The following PRAC2 variants were observed in gnomAD, a reference collection of about 807,000 sequenced individuals.
PRAC2 encodes the protein PRAC2 small nuclear protein.
For synonymous variants in PRAC2, 43 were observed against 49.5 expected (o/e 0.87, Z 0.55); for missense variants, 92 against 114.5 (o/e 0.80, Z 0.90).
upstream of PRAC2, among the ~76,000 whole-genome samples, chr17:48,721,372 C>A (rs1343566567): frequency 6.6e-6 from 1 of 152,176 alleles, no homozygotes; most frequent in Admixed American, 6.5e-5. Flanking sequence ...GTCACATAGG[C>A]TGGAGTGCAA....
upstream of PRAC2, chr17:48,722,513 G>A: frequency 1.2e-6 from 1 of 809,804 alleles, no homozygotes; most frequent in Non-Finnish European, 2.1e-6. Flanking sequence ...GGCTAGGAGA[G>A]GAAGGACGGG....
At chr17:48,721,761 G>T (rs374296956), upstream of PRAC2, 3 of 1,461,210 alleles carry the variant, frequency 2.1e-6, no homozygotes, top group Non-Finnish European at 2.7e-6. Flanking sequence ...TAGAGACAGC[G>T]TCTTGCTACA....
chr17:48,724,524 G>A lies in PRAC2; in HGVS notation c.114G>A (p.Gly38=). Residue 38 remains glycine (G), a synonymous_variant, in exon 2 of 2, where the codon GGG becomes GGA. Coordinates refer to ENST00000422730, the MANE Select transcript of PRAC2 (RefSeq NM_001282275.2). The part of the protein sequence containing the change: ...NLLAFFLGLS[G]AGPIHLPMPW... Reference sequence around the variant, plus strand: ...TTGCCTTCTTCCTGGGTCTCTCGGGGGCTGGACCAATACATCTGCCGATGC... The same window carrying A: ...TTGCCTTCTTCCTGGGTCTCTCGGGAGCTGGACCAATACATCTGCCGATGC... 8.1e-7 allele frequency: 1 copy of A among 1,233,316 alleles called. No individual in the cohort carries two copies. The highest frequency in any genetic ancestry group is 1.5e-5 in the African/African-American group (1 of 64,556). 76.4% of individuals were successfully genotyped at this position (1,233,316 alleles called of 1,614,324 possible).
At chr17:48,723,727 T>C in intron 1 of PRAC2, 1 of 1,231,790 alleles carries the variant, frequency 8.1e-7, no homozygotes, top group Non-Finnish European at 1.0e-6. Flanking sequence ...GTTCGCGCTC[T>C]GCGTTGCGGG....
upstream of PRAC2, among the ~76,000 whole-genome samples, chr17:48,721,043 A>T (rs2038140357): frequency 1.3e-5 from 2 of 152,158 alleles, no homozygotes; most frequent in African/African-American, 4.8e-5. Context: ...GGGAGGGGGA[A>T]CTGGCAGGGA....
chr17:48,721,612 A>G (rs1051575012), upstream of PRAC2: 1 of 470,210 alleles, frequency 2.1e-6, no homozygotes, highest in African/African-American at 2.0e-5. Context: ...GCCATGAGCC[A>G]CTATGCCTGG....
upstream of PRAC2, among the ~76,000 whole-genome samples, chr17:48,719,044 C>T (rs1446645102): frequency 6.6e-6 from 1 of 152,178 alleles, no homozygotes; most frequent in Non-Finnish European, 1.5e-5. Context: ...GCTCGAAGCG[C>T]CCCACGCCAG....
At chr17:48,723,339 C>T in intron 1 of PRAC2, 26 bp downstream of exon 1, 1 of 217,910 alleles carries the variant, frequency 4.6e-6, no homozygotes, top group South Asian at 1.8e-4. Context: ...ATTTAATTCG[C>T]GGTTGCAGCT....
upstream of PRAC2, among the ~76,000 whole-genome samples, chr17:48,720,049 G>A (rs1424571713): frequency 6.6e-6 from 1 of 152,158 alleles, no homozygotes; most frequent in East Asian, 1.9e-4. Context: ...GGTCTCGGGC[G>A]GGGGCGACGG....
chr17:48,722,097 T>C (rs2038151045), upstream of PRAC2, among the ~76,000 whole-genome samples: 1 of 152,118 alleles, frequency 6.6e-6, no homozygotes, highest in African/African-American at 2.4e-5. Context: ...AACATTTTCT[T>C]TGTCCCTTTC....
rs895988170 is a variant in PRAC2, at chr17:48,724,653, A to G, written c.243A>G (p.Lys81=). The G allele has an allele frequency of 5.9e-5, 73 of 1,232,088 alleles. No individual in the cohort carries two copies. The highest frequency in any genetic ancestry group is 7.1e-5 in the Non-Finnish European group (70 of 988,006). 76.3% of individuals were successfully genotyped at this position (1,232,088 alleles called of 1,614,324 possible). ...AGCCTGTAGCTCCGCGGACGATGAA[A>G]GCCTGCCCGCAGGTTCTCCTGGAGT... ...RWKPVAPRTM[K]ACPQVLLEW Residue 81 remains lysine (K), a synonymous_variant, in exon 2 of 2, where the codon AAA becomes AAG. Transcript: ENST00000422730.
At chr17:48,718,722 C>T (rs1251234315), upstream of PRAC2, among the ~76,000 whole-genome samples, 4 of 152,148 alleles carry the variant, frequency 2.6e-5, no homozygotes, top group Non-Finnish European at 1.5e-5. Context: ...GAAGGGTTGG[C>T]TGGATTCTTT....
upstream of PRAC2, among the ~76,000 whole-genome samples, chr17:48,719,589 A>G (rs374761364): frequency 9.2e-5 from 14 of 152,178 alleles, no homozygotes; most frequent in South Asian, 2.1e-4. Flanking sequence ...CTAATAAATC[A>G]TCGGCCTTAG....
chr17:48,721,210 C>T (rs978345848), upstream of PRAC2, among the ~76,000 whole-genome samples: 1 of 152,192 alleles, frequency 6.6e-6, no homozygotes, highest in East Asian at 1.9e-4. Flanking sequence ...CCCAGAGCCC[C>T]TGTGCGCACA....
At chr17:48,719,341 T>G (rs1394132454), upstream of PRAC2, among the ~76,000 whole-genome samples, 1 of 152,152 alleles carries the variant, frequency 6.6e-6, no homozygotes, top group Non-Finnish European at 1.5e-5. Flanking sequence ...CCGGGTCGGA[T>G]GGCTCTCCAG....
In PRAC2 at chr17:48,723,273, C is replaced by T. The variant is rs1031782519; in HGVS notation, c.-124C>T. 6.3e-6 allele frequency: 1 copy of T among 159,762 alleles called. No individual in the cohort carries two copies. Among genetic ancestry groups the T allele is most frequent in the Admixed American group, 6.5e-5 (1 of 15,496 alleles). The allele number at this position is 159,762 out of a possible 1,614,324, so 9.9% of individuals were successfully genotyped here. On this transcript the variant is annotated 5_prime_UTR_variant, in exon 1 of 2. Transcript: ENST00000422730. ...AAAACAACGAAACCTTCTTTTGCCC[C>T]CTCCGCAGCAGTCGCCTCCGGGCTT...
chr17:48,719,203 TCG>T (rs1343852620), upstream of PRAC2, among the ~76,000 whole-genome samples: 5 of 127,516 alleles, frequency 3.9e-5, no homozygotes, highest in African/African-American at 1.7e-4. Context: ...TCGCACGCGC[TCG>T]CACACAAACA....
upstream of PRAC2, among the ~76,000 whole-genome samples, chr17:48,719,414 T>TC (rs2038124549): frequency 6.6e-6 from 1 of 151,838 alleles, no homozygotes; most frequent in Admixed American, 6.6e-5. Flanking sequence ...AGTTTCCAGG[T>TC]CCTGGGAAGG....
Position 48,723,330 on chromosome 17 carries a change from T to G in PRAC2, c.-84+17T>G. 1 of 202,000 alleles carries G rather than the reference T, an allele frequency of 5.0e-6. No individual in the cohort carries two copies. Among genetic ancestry groups the G allele is most frequent in the Non-Finnish European group, 9.8e-6 (1 of 101,656 alleles). The allele number at this position is 202,000 out of a possible 1,614,324, so 12.5% of individuals were successfully genotyped here. A position where few individuals can be genotyped will look rare whatever the true frequency, so the allele number is the denominator to read the frequency against. On this transcript the variant is annotated intron_variant, in intron 1 of 1. Coordinates refer to ENST00000422730, the MANE Select transcript of PRAC2 (RefSeq NM_001282275.2). ...AAGTTTACGGTAACGAGTTCATCTA[T>G]TTAATTCGCGGTTGCAGCTCGGGGA... is the stretch of plus-strand genomic sequence containing the variant.
Sources: gnomAD v4.1 joint callset for allele counts (sites outside exome capture counted in the v4.1 genomes callset) on GRCh38, gnomAD v4.1.1 for gene constraint, MANE v1.5 for transcripts, NCBI Gene and HGNC (gene_info 2026-07-23, HGNC 2026-07-21) for gene names.